The following SPATA18 variants were observed in gnomAD, a reference collection of about 807,000 sequenced individuals.
SPATA18 encodes the protein mitochondria-eating protein.
SPATA18 carries 54 observed loss-of-function variants against 68.1 expected under a neutral mutation model. That is an observed-to-expected ratio of 0.79 (90% CI 0.64 to 0.99). The LOEUF is 0.99. Ranked by LOEUF, SPATA18 falls within the 50% of genes least tolerant of loss-of-function variation. The pLI, the probability that SPATA18 is intolerant of heterozygous loss-of-function variation, is 0.00. For missense variants in SPATA18, 724 were observed against 681.1 expected (o/e 1.06, Z -0.70); for synonymous variants, 242 against 244.8 (o/e 0.99, Z 0.11).
chr4:52,070,107 C>T (rs901468702), intron 5 of SPATA18, among the ~76,000 whole-genome samples, 191 bp downstream of exon 5: 73 of 151,228 alleles, frequency 4.8e-4, no homozygotes, highest in African/African-American at 1.6e-3. Flanking sequence ...CAAAGTACAA[C>T]GTAGTATAAA....
chr4:52,087,172 T>C (rs1320245744), intron 11 of SPATA18, among the ~76,000 whole-genome samples: 1 of 152,228 alleles, frequency 6.6e-6, no homozygotes, highest in African/African-American at 2.4e-5. Context: ...TATTAGCCCT[T>C]TGTCAGATGG....
chr4:52,096,891 C>T lies in SPATA18; in HGVS notation c.*2004C>T, dbSNP rs1742472400. ...CGTTGAAAGGTCTTCACTAATATCT[C>T]ACTAAGTAATGAGAATGCCTACATA... is the stretch of plus-strand genomic sequence containing the variant. On this transcript the variant is annotated 3_prime_UTR_variant, in exon 13 of 13. Transcript: ENST00000295213. 6.6e-6 allele frequency: 1 copy of T among 152,148 alleles called. No homozygotes were observed. Among genetic ancestry groups the T allele is most frequent in the African/African-American group, 2.4e-5 (1 of 41,442 alleles). 9.4% of individuals were successfully genotyped at this position (152,148 alleles called of 1,614,324 possible).
intron 9 of SPATA18, among the ~76,000 whole-genome samples, chr4:52,080,590 A>T (rs966087001): frequency 6.6e-6 from 1 of 152,206 alleles, no homozygotes; most frequent in East Asian, 1.9e-4. Context: ...GTGGTTAAGA[A>T]CACAAGCTAG....
chr4:52,090,030 T>A (rs967375342), intron 11 of SPATA18, among the ~76,000 whole-genome samples: 2 of 152,242 alleles, frequency 1.3e-5, no homozygotes, highest in Non-Finnish European at 2.9e-5. Flanking sequence ...TTTACCATTA[T>A]GTAATGCCCT....
Position 52,060,789 on chromosome 4 carries a change from T to C in SPATA18, c.201T>C (p.Arg67=), listed in dbSNP as rs1578151138. The change falls in exon 3 of 13, where the codon CGT becomes CGC. Residue 67 remains arginine (R), a synonymous_variant. Transcript: ENST00000295213. ...ILTAAAQEGG[R]NDGVETIKSR... ...CGTCATTTAACATTTTAGGAGGACGTAATGATGGTGTGGAAACAATCAAGT... is the reference window on the plus strand; with the variant it reads ...CGTCATTTAACATTTTAGGAGGACGCAATGATGGTGTGGAAACAATCAAGT... The C allele has an allele frequency of 1.9e-6, 3 of 1,613,886 alleles. No individual in the cohort carries two copies. Among genetic ancestry groups the C allele is most frequent in the Non-Finnish European group, 2.5e-6 (3 of 1,179,812 alleles).
At chr4:52,094,738 C>T (rs987988429) in intron 12 of SPATA18, 142 bp from the exon 13 acceptor site, 39 of 1,302,128 alleles carry the variant, frequency 3.0e-5, no homozygotes, top group Non-Finnish European at 4.0e-5. Context: ...CCAGGCAGGT[C>T]CCATGGGTCA....
intron 3 of SPATA18, 50 bp downstream of exon 3, chr4:52,060,947 C>T (rs999634): frequency 2.9e-5 from 42 of 1,470,812 alleles, no homozygotes; most frequent in South Asian, 1.5e-4. Context: ...TGAGATAAAA[C>T]GAATCAGAAA....
At chr4:52,086,174 G>C (rs1210456266) in intron 11 of SPATA18, among the ~76,000 whole-genome samples, 1 of 152,188 alleles carries the variant, frequency 6.6e-6, no homozygotes, top group Non-Finnish European at 1.5e-5. Context: ...CTAGCATGCA[G>C]CTGTAGCCCC....
chr4:52,064,716 C>A (rs985889797), intron 4 of SPATA18, among the ~76,000 whole-genome samples: 2 of 152,112 alleles, frequency 1.3e-5, no homozygotes, highest in Non-Finnish European at 2.9e-5. Context: ...TCTGCAATTG[C>A]GATTTGTACT....
intron 10 of SPATA18, 24 bp from the exon 11 acceptor site, chr4:52,084,892 C>G (rs764001432): frequency 1.9e-6 from 3 of 1,611,306 alleles, no homozygotes; most frequent in South Asian, 1.1e-5. Context: ...GACTATGTCT[C>G]TCTCTTTCTC....
At chr4:52,076,437 T>C (rs536455804) in intron 6 of SPATA18, among the ~76,000 whole-genome samples, 1 of 152,310 alleles carries the variant, frequency 6.6e-6, no homozygotes, top group South Asian at 2.1e-4. Context: ...TAAAATAATA[T>C]TGTGATGCAA....
At position 52,095,769 on chromosome 4, in the gene SPATA18, C is replaced by G. The variant is rs182612933; in HGVS notation, c.*882C>G. ...ATTCAGACCTCCTATTGAACTCTGT[C>G]TGACCAAAACTACTTAAACTCAAGG... On this transcript the variant is annotated 3_prime_UTR_variant, in exon 13 of 13. Coordinates refer to ENST00000295213, the MANE Select transcript of SPATA18 (RefSeq NM_145263.4). 15 of 152,156 alleles carry G rather than the reference C, an allele frequency of 9.9e-5. No individual in the cohort carries two copies. Among genetic ancestry groups the G allele is most frequent in the African/African-American group, 3.6e-4 (15 of 41,450 alleles). The allele number at this position is 152,156 out of a possible 1,614,324, so 9.4% of individuals were successfully genotyped here.
chr4:52,076,230 T>C (rs1481803609), intron 6 of SPATA18, among the ~76,000 whole-genome samples: 1 of 152,094 alleles, frequency 6.6e-6, no homozygotes, highest in African/African-American at 2.4e-5. Flanking sequence ...AGGAGCAGGC[T>C]GAGGACAGAG....
At chr4:52,075,260 C>T (rs73248608) in intron 6 of SPATA18, among the ~76,000 whole-genome samples, 3 of 152,078 alleles carry the variant, frequency 2.0e-5, no homozygotes, top group Non-Finnish European at 4.4e-5. Flanking sequence ...ATGACAGGCC[C>T]GTGTTCTGTT....
In SPATA18 at chr4:52,076,076, G is replaced by A. The variant is rs865804072; in HGVS notation, c.759-703G>A. The stretch of plus-strand genomic sequence containing the variant: ...AAATCTCCATTAGCTACCTCACAGA[G>A]AGGCAAAACATTTTGGGATTTTCCG... On this transcript the variant is annotated intron_variant, in intron 6 of 12. Transcript: ENST00000295213. Among the ~76,000 whole-genome samples the A allele has an allele frequency of 3.9e-5, 6 of 152,296 alleles. No individual in the cohort carries two copies. The South Asian group carries it at 1.2e-3, about 32-fold the overall frequency.
chr4:52,079,856 A>C lies in SPATA18; in HGVS notation c.1292A>C (p.Gln431Pro). The C allele has an allele frequency of 1.2e-6, 2 of 1,614,114 alleles. No individual in the cohort carries two copies. Among genetic ancestry groups the C allele is most frequent in the Non-Finnish European group, 1.7e-6 (2 of 1,179,962 alleles). The change falls in exon 9 of 13, where the codon CAG becomes CCG. Residue 431 changes from glutamine to proline, a missense_variant. Gln to Pro is a moderately conservative substitution (Grantham distance 76). Coordinates refer to ENST00000295213, the MANE Select transcript of SPATA18 (RefSeq NM_145263.4). The part of the protein sequence containing the change: ...QEICCIAFAM[Q>P]ALEPPLDIAY... ...ATATGTTGCATTGCCTTTGCAATGC[A>C]GGCCTTAGAACCACCCCTAGATATT...
chr4:52,068,897 TTTG>T (rs1739558807), intron 4 of SPATA18, among the ~76,000 whole-genome samples: 1 of 152,086 alleles, frequency 6.6e-6, no homozygotes, highest in Non-Finnish European at 1.5e-5. Context: ...ATGTTCTTAC[TTTG>T]TCACCCAGGC....
At chr4:52,086,309 T>C (rs1054110676) in intron 11 of SPATA18, among the ~76,000 whole-genome samples, 30 of 152,184 alleles carry the variant, frequency 2.0e-4, no homozygotes, top group African/African-American at 6.8e-4. Context: ...GTGCAGAACA[T>C]GCAGTTTTGT....
In SPATA18 at chr4:52,094,535, A is replaced by T. The variant is rs1361086446; in HGVS notation, c.1572A>T (p.Arg524=). 2 of 1,613,428 alleles carry T rather than the reference A, an allele frequency of 1.2e-6. No individual in the cohort carries two copies. Among genetic ancestry groups the T allele is most frequent in the Non-Finnish European group, 1.7e-6 (2 of 1,179,628 alleles). The change falls in exon 12 of 13, where the codon CGA becomes CGT. Residue 524 remains arginine (R), a synonymous_variant. Coordinates refer to ENST00000295213, the MANE Select transcript of SPATA18 (RefSeq NM_145263.4). ...TCTTTTATATTTTCCAGATGTCTCGAAGTCGGAGTCCTTCTCCAATAAGAT... is the reference window on the plus strand; with the variant it reads ...TCTTTTATATTTTCCAGATGTCTCGTAGTCGGAGTCCTTCTCCAATAAGAT... The part of the protein sequence containing the change: ...RSQIGLNTMS[R]SRSPSPIRCG...
Sources: gnomAD v4.1 joint callset for allele counts (sites outside exome capture counted in the v4.1 genomes callset) on GRCh38, gnomAD v4.1.1 for gene constraint, MANE v1.5 for transcripts, NCBI Gene and HGNC (gene_info 2026-07-23, HGNC 2026-07-21) for gene names.